Variants in PCDH11X observed in about 807,000 individuals in gnomAD.
PCDH11X encodes protocadherin-11 X-linked.
PCDH11X carries 18 observed loss-of-function variants against 53.3 expected under a neutral mutation model. The observed-to-expected ratio is 0.34, with a 90% CI of 0.23 to 0.50. The LOEUF (loss-of-function observed/expected upper bound fraction) is 0.50, where lower values mean the gene tolerates loss of function less well. Among genes scored for constraint, PCDH11X ranks in the 20% least tolerant of loss-of-function variants. The pLI is 0.98. For synonymous variants in PCDH11X, 279 were observed against 393.3 expected (o/e 0.71, Z 3.44); for missense variants, 570 against 1,032.4 (o/e 0.55, Z 6.14).
At chrX:92,100,004 TA>T (rs1477693547) in intron 6 of PCDH11X, among the ~76,000 whole-genome samples, 1 of 111,755 alleles carries the variant, frequency 8.9e-6, no homozygotes, top group Non-Finnish European at 1.9e-5. Flanking sequence ...AACATATATT[TA>T]AAAGATTCCA....
chrX:91,952,596 C>A (rs907060681), intron 6 of PCDH11X, among the ~76,000 whole-genome samples: 1 of 111,303 alleles, frequency 9.0e-6, no homozygotes, highest in South Asian at 3.7e-4. Flanking sequence ...CTAGGAATAA[C>A]AGTTAGTACA....
chrX:92,276,440 T>C (rs1045339641), intron 8 of PCDH11X, among the ~76,000 whole-genome samples: 1 of 110,287 alleles, frequency 9.1e-6, no homozygotes, highest in African/African-American at 3.3e-5. Flanking sequence ...AGTGGGGTCC[T>C]GCACAGATGG....
intron 8 of PCDH11X, among the ~76,000 whole-genome samples, chrX:92,366,124 T>A (rs1416037530): frequency 9.0e-6 from 1 of 110,617 alleles, no homozygotes; most frequent in Admixed American, 9.6e-5. Context: ...GGGATTTTTG[T>A]TTTGGTTCAT....
chrX:92,569,460 T>A (rs1921922861), intron 10 of PCDH11X, among the ~76,000 whole-genome samples: 1 of 108,227 alleles, frequency 9.2e-6, no homozygotes, highest in African/African-American at 3.4e-5. Context: ...CACACTCAGA[T>A]AAAATTGTAG....
intron 5 of PCDH11X, among the ~76,000 whole-genome samples, chrX:91,839,033 A>G (rs1342929896): frequency 3.5e-5 from 4 of 112,999 alleles, no homozygotes; most frequent in African/African-American, 9.6e-5. Flanking sequence ...AACTTAGAAT[A>G]TTTATTTCTA....
At chrX:91,810,021 C>T (rs750134515) in intron 2 of PCDH11X, among the ~76,000 whole-genome samples, 2 of 110,980 alleles carry the variant, frequency 1.8e-5, no homozygotes, top group South Asian at 7.6e-4. Context: ...TTTGCAACAT[C>T]GATAATATAA....
chrX:92,031,140 C>A (rs978768547), intron 6 of PCDH11X, among the ~76,000 whole-genome samples: 3 of 111,305 alleles, frequency 2.7e-5, no homozygotes, highest in African/African-American at 9.8e-5. Context: ...ACATCCTAAC[C>A]AACATTTGTT....
chrX:92,362,003 G>A (rs371412225), intron 8 of PCDH11X, among the ~76,000 whole-genome samples: 4 of 111,262 alleles, frequency 3.6e-5, no homozygotes, highest in South Asian at 7.5e-4. Context: ...AATACCTTCC[G>A]TTTTAAAGTG....
chrX:92,032,394 T>A (rs926429986), intron 6 of PCDH11X, among the ~76,000 whole-genome samples: 4 of 111,035 alleles, frequency 3.6e-5, no homozygotes, highest in African/African-American at 9.8e-5. Context: ...GGTCCTTAGG[T>A]TTTTCCAAGT....
intron 8 of PCDH11X, among the ~76,000 whole-genome samples, chrX:92,354,212 A>G (rs931616415): frequency 3.7e-5 from 4 of 106,734 alleles, no homozygotes; most frequent in African/African-American, 1.4e-4. Flanking sequence ...ACAATGGGAA[A>G]TTGGAAATAT....
At position 92,567,331 on chromosome X, in the gene PCDH11X, G is replaced by A. The variant is rs748148069; in HGVS notation, c.3368-50933G>A. ...GCAGTAGTTTGTAGTTCTCTTTCAAGAAGTCCTTCCTTCCTTCCTTTGTTA... is the reference window on the plus strand; with the variant it reads ...GCAGTAGTTTGTAGTTCTCTTTCAAAAAGTCCTTCCTTCCTTCCTTTGTTA... On this transcript the variant is annotated intron_variant, in intron 10 of 10. Coordinates refer to ENST00000682573, the MANE Select transcript of PCDH11X (RefSeq NM_032968.5). Among the ~76,000 whole-genome samples, 144 of 77,661 alleles carry A rather than the reference G, an allele frequency of 1.9e-3. 1 individual carries two copies. Among genetic ancestry groups the A allele is most frequent in the African/African-American group, 6.7e-3 (141 of 20,992 alleles). 67.4% of individuals were successfully genotyped at this position (77,661 alleles called of 115,157 possible).
intron 7 of PCDH11X, among the ~76,000 whole-genome samples, chrX:92,255,027 G>T (rs1603234674): frequency 1.0e-5 from 1 of 97,466 alleles, no homozygotes; most frequent in Admixed American, 1.1e-4. Context: ...ATAATATCCT[G>T]CAGAGTGTTT....
chrX:92,593,569 A>G (rs891222923), intron 10 of PCDH11X, among the ~76,000 whole-genome samples: 59 of 111,267 alleles, frequency 5.3e-4, no homozygotes, highest in Non-Finnish European at 1.0e-3. Context: ...TCTAGCTCAG[A>G]AGTTTAAAAA....
At chrX:92,597,412 G>A (rs1196688812) in intron 10 of PCDH11X, among the ~76,000 whole-genome samples, 3 of 110,543 alleles carry the variant, frequency 2.7e-5, no homozygotes, top group African/African-American at 9.9e-5. Flanking sequence ...AAATTAAAAA[G>A]TAGTCAAATT....
At chrX:92,342,190 G>T (rs1023159196) in intron 8 of PCDH11X, among the ~76,000 whole-genome samples, 6 of 111,567 alleles carry the variant, frequency 5.4e-5, no homozygotes, top group African/African-American at 2.0e-4. Flanking sequence ...AAAATTAATG[G>T]TTGCAGGGCT....
rs779493489 is a variant in PCDH11X, at chrX:92,160,553, G to A, written c.3034-40822G>A. 9.0e-3 allele frequency among the ~76,000 whole-genome samples: 975 copies of A among 108,015 alleles called. 9 individuals carry two copies. The highest frequency in any genetic ancestry group is 0.032 in the African/African-American group (931 of 29,548). The allele number at this position is 108,015 out of a possible 115,157, so 93.8% of individuals were successfully genotyped here. On this transcript the variant is annotated intron_variant, in intron 6 of 10. Transcript: ENST00000682573. ...TATACCACAGATTCTTTATCCACTC[G>A]TTGAGTGATGGGCATTTGGGCTGGT...
chrX:92,034,264 A>G (rs761298208), intron 6 of PCDH11X, among the ~76,000 whole-genome samples: 23 of 111,535 alleles, frequency 2.1e-4, no homozygotes, highest in Middle Eastern at 4.8e-3. Context: ...TATTAGGTCC[A>G]TTTGCTCTAT....
intron 1 of PCDH11X, among the ~76,000 whole-genome samples, chrX:91,784,425 A>G (rs1198583843): frequency 8.9e-6 from 1 of 112,344 alleles, no homozygotes; most frequent in African/African-American, 3.2e-5. Flanking sequence ...CTATCCACTC[A>G]GATCTTTTTA....
At chrX:92,013,345 G>A (rs1409115576) in intron 6 of PCDH11X, among the ~76,000 whole-genome samples, 12 of 111,308 alleles carry the variant, frequency 1.1e-4, no homozygotes, top group Non-Finnish European at 1.7e-4. Context: ...GGACCTCTTC[G>A]AAGAGAACTA....
Sources: gnomAD v4.1 joint callset for allele counts (sites outside exome capture counted in the v4.1 genomes callset) on GRCh38, gnomAD v4.1.1 for gene constraint, MANE v1.5 for transcripts, NCBI Gene and HGNC (gene_info 2026-07-23, HGNC 2026-07-21) for gene names.